SDK1: variants seen among roughly 807,000 people sequenced by gnomAD.
SDK1 encodes the protein protein sidekick-1.
Under a neutral mutation model 245.5 loss-of-function variants are expected in SDK1, and 157 were observed. That is an observed-to-expected ratio of 0.64 (90% confidence interval 0.56 to 0.73). The LOEUF is 0.73. SDK1 is among the 30% of genes least tolerant of loss of function. SDK1 has a pLI of 0.00. For synonymous variants in SDK1, 1,647 were observed against 1,278.5 expected, an observed-to-expected ratio of 1.29 and a Z score of -6.15; for missense variants, 3,583 against 3,002.3, an observed-to-expected ratio of 1.19 and a Z score of -4.52.
At chr7:3,751,932 C>G (rs1484157623) in intron 4 of SDK1, among the ~76,000 whole-genome samples, 1 of 152,160 alleles carries the variant, frequency 6.6e-6, no homozygotes, top group Admixed American at 6.5e-5. Flanking sequence ...ACATTACAAA[C>G]AATGGGGAAG....
chr7:3,804,397 T>A (rs1473049406), intron 4 of SDK1, among the ~76,000 whole-genome samples: 1 of 152,196 alleles, frequency 6.6e-6, no homozygotes, highest in Non-Finnish European at 1.5e-5. Flanking sequence ...CTTTTGGCCC[T>A]ACTGTTACGG....
chr7:3,929,009 T>C (rs1449807447), intron 5 of SDK1, among the ~76,000 whole-genome samples: 1 of 152,236 alleles, frequency 6.6e-6, no homozygotes, highest in East Asian at 1.9e-4. Context: ...CTGTTCCTTA[T>C]TCTTTCTCAG....
At chr7:3,630,787 T>C (rs1398110178) in intron 2 of SDK1, among the ~76,000 whole-genome samples, 1 of 151,788 alleles carries the variant, frequency 6.6e-6, no homozygotes, top group Non-Finnish European at 1.5e-5. Context: ...TACACTGTGT[T>C]TATATATCTG....
intron 4 of SDK1, among the ~76,000 whole-genome samples, chr7:3,755,585 A>C (rs1009563478): frequency 6.6e-6 from 1 of 152,184 alleles, no homozygotes; most frequent in Non-Finnish European, 1.5e-5. Flanking sequence ...TATGAGGAAC[A>C]GAGTCTGATA....
At chr7:3,341,223 C>G (rs1780340096) in intron 1 of SDK1, among the ~76,000 whole-genome samples, 3 of 152,202 alleles carry the variant, frequency 2.0e-5, no homozygotes, top group Admixed American at 1.3e-4. Context: ...GTTCGAAAAT[C>G]TATGCCACCC....
intron 1 of SDK1, among the ~76,000 whole-genome samples, chr7:3,384,535 T>C (rs1010632870): frequency 6.6e-6 from 1 of 152,216 alleles, no homozygotes; most frequent in Non-Finnish European, 1.5e-5. Context: ...TCTAACCCAG[T>C]GTTTCCCAAG....
intron 33 of SDK1, 118 bp from the exon 34 acceptor site, chr7:4,175,657 C>T (rs1442618281): frequency 1.5e-5 from 13 of 840,100 alleles, no homozygotes; most frequent in East Asian, 1.2e-4. Flanking sequence ...GGAGGCGCAG[C>T]GTGGGAAGTG....
intron 1 of SDK1, among the ~76,000 whole-genome samples, chr7:3,588,560 G>A (rs555321003): frequency 5.3e-4 from 80 of 152,224 alleles, no homozygotes; most frequent in Non-Finnish European, 9.9e-4. Context: ...TGCAGGGTGC[G>A]TTCCTAGATT....
chr7:3,595,114 A>G (rs1478454678), intron 1 of SDK1, among the ~76,000 whole-genome samples: 1 of 152,190 alleles, frequency 6.6e-6, no homozygotes, highest in African/African-American at 2.4e-5. Context: ...AGTCAGATGC[A>G]GCCAATTTTC....
intron 44 of SDK1, among the ~76,000 whole-genome samples, chr7:4,250,254 A>G (rs912594064): frequency 1.3e-5 from 2 of 152,086 alleles, no homozygotes. Context: ...TCTCTTTCAC[A>G]TTGTTTGTTT....
At chr7:4,147,522 C>T (rs997134926) in intron 29 of SDK1, among the ~76,000 whole-genome samples, 1 of 152,178 alleles carries the variant, frequency 6.6e-6, no homozygotes, top group African/African-American at 2.4e-5. Flanking sequence ...CCTGCCTCAG[C>T]CTCCCAAAGC....
intron 5 of SDK1, among the ~76,000 whole-genome samples, chr7:3,929,154 C>T (rs184179697): frequency 1.3e-5 from 2 of 152,354 alleles, no homozygotes; most frequent in East Asian, 1.9e-4. Flanking sequence ...TGTCCTTGCC[C>T]TTGGTTAAAC....
At chr7:3,696,172 C>A (rs1784567390) in intron 4 of SDK1, among the ~76,000 whole-genome samples, 1 of 152,092 alleles carries the variant, frequency 6.6e-6, no homozygotes, top group African/African-American at 2.4e-5. Context: ...TGATGTCCTG[C>A]CAACTTAAAT....
intron 13 of SDK1, among the ~76,000 whole-genome samples, chr7:3,980,359 C>G (rs895943590): frequency 1.3e-5 from 2 of 152,106 alleles, no homozygotes; most frequent in African/African-American, 4.8e-5. Context: ...GTGGTTTTCC[C>G]CCTATTCTCT....
intron 5 of SDK1, among the ~76,000 whole-genome samples, chr7:3,894,898 G>A (rs534919306): frequency 1.9e-4 from 29 of 151,690 alleles, no homozygotes; most frequent in East Asian, 9.8e-4. Context: ...TCACCATGTC[G>A]GCCAACTCCT....
chr7:3,814,210 T>G (rs1473150733), intron 4 of SDK1, among the ~76,000 whole-genome samples: 1 of 151,714 alleles, frequency 6.6e-6, no homozygotes, highest in Non-Finnish European at 1.5e-5. Context: ...TGAATGGTAA[T>G]GCCTAGGTTA....
At chr7:3,684,527 A>C (rs1457748043) in intron 4 of SDK1, among the ~76,000 whole-genome samples, 2 of 152,230 alleles carry the variant, frequency 1.3e-5, no homozygotes, top group African/African-American at 4.8e-5. Context: ...AGCCCACTAA[A>C]AAGAGATGCA....
chr7:3,846,462 G>T (rs537975607), intron 5 of SDK1, among the ~76,000 whole-genome samples: 1 of 152,186 alleles, frequency 6.6e-6, no homozygotes, highest in Non-Finnish European at 1.5e-5. Flanking sequence ...CATTCATCTT[G>T]GATCCCAGTG....
At chr7:3,990,487 A>G (rs1372674232) in intron 14 of SDK1, among the ~76,000 whole-genome samples, 3 of 152,224 alleles carry the variant, frequency 2.0e-5, no homozygotes, top group African/African-American at 4.8e-5. Flanking sequence ...TTCTGAGAGT[A>G]CAGAAGAGTT....
Sources: gnomAD v4.1 joint callset for allele counts (sites outside exome capture counted in the v4.1 genomes callset) on GRCh38, gnomAD v4.1.1 for gene constraint, MANE v1.5 for transcripts, NCBI Gene and HGNC (gene_info 2026-07-23, HGNC 2026-07-21) for gene names.